Variants in MAST3 observed in about 807,000 individuals in gnomAD.
MAST3 encodes microtubule-associated serine/threonine-protein kinase 3.
A neutral mutation model predicts 127.0 loss-of-function variants in MAST3; 43 were observed. The observed-to-expected ratio is 0.34, with a 90% CI of 0.27 to 0.44. The LOEUF (loss-of-function observed/expected upper bound fraction) is 0.44. MAST3 is among the 20% of genes least tolerant of loss of function. The pLI, the probability that MAST3 is intolerant of heterozygous loss-of-function variation, is 1.00. For missense variants in MAST3, 1,390 were observed against 1,919.1 expected (o/e 0.72, Z 5.15); for synonymous variants, 785 against 809.2 (o/e 0.97, Z 0.51).
intron 3 of MAST3, 123 bp from the exon 4 acceptor site, chr19:18,121,562 G>C (rs1308197716): frequency 1.2e-6 from 1 of 818,882 alleles, no homozygotes; most frequent in African/African-American, 1.7e-5. Flanking sequence ...GGCAGAGTGG[G>C]AGTGGCCATG....
chr19:18,103,090 A>G (rs992622408), intron 1 of MAST3, among the ~76,000 whole-genome samples: 6 of 152,226 alleles, frequency 3.9e-5, no homozygotes, highest in Middle Eastern at 3.2e-3. Context: ...TCCCAGGGGA[A>G]CAGCAGGCAC....
At chr19:18,097,918 A>T in intron 1 of MAST3, 87 bp downstream of exon 1, 1 of 1,078,020 alleles carries the variant, frequency 9.3e-7, no homozygotes, top group Non-Finnish European at 1.2e-6. Context: ...CGGGGCCTTC[A>T]CGGGCTGTAG....
At position 18,144,453 on chromosome 19, in the gene MAST3, G is replaced by A; in HGVS notation, c.2585-13G>A. On this transcript the variant is annotated splice_polypyrimidine_tract_variant and intron_variant, in intron 22 of 27. Transcript: ENST00000687212. The surrounding 1 kb of genome is among the most constrained non-coding windows in gnomAD (Gnocchi z 4.0). ...GTTTGAGGGGCACCCAGCTGACCCT[G>A]CTGACCCTCTAGCCGACACAGCTGC... The A allele has an allele frequency of 1.9e-6, 3 of 1,550,834 alleles. No individual in the cohort carries two copies. The highest frequency in any genetic ancestry group is 2.6e-6 in the Non-Finnish European group (3 of 1,150,100).
At chr19:18,100,128 C>CTCTTTTTTTTTGTTTTTTTTTT (rs776661078) in intron 1 of MAST3, among the ~76,000 whole-genome samples, 1 of 121,720 alleles carries the variant, frequency 8.2e-6, no homozygotes, top group Non-Finnish European at 1.8e-5. Flanking sequence ...CTCTCTCTCT[C>CTCTTTTTTTTTGTTTTTTTTTT]TTTTTTTTTT....
At chr19:18,122,001 A>G in intron 5 of MAST3, 79 bp downstream of exon 5, 1 of 1,564,688 alleles carries the variant, frequency 6.4e-7, no homozygotes, top group Non-Finnish European at 8.7e-7. Context: ...CGGTGGCTAG[A>G]CCTGGCTCCT....
chr19:18,123,532 G>GGGGTT, intron 7 of MAST3, 48 bp from the exon 8 acceptor site: 2 of 1,486,610 alleles, frequency 1.3e-6, no homozygotes. Flanking sequence ...ATCCTCCCCT[G>GGGGTT]GGGTTGGTCT....
At chr19:18,123,150 G>C (rs1445932061) in intron 6 of MAST3, 67 bp from the exon 7 acceptor site, 1 of 1,568,200 alleles carries the variant, frequency 6.4e-7, no homozygotes, top group Non-Finnish European at 8.7e-7. Context: ...TTGAGGGGTG[G>C]TGCTGGGTTC....
chr19:18,099,314 T>TG (rs1432503904), intron 1 of MAST3, among the ~76,000 whole-genome samples: 3 of 13,876 alleles, frequency 2.2e-4, no homozygotes, highest in African/African-American at 3.2e-4. Flanking sequence ...GAGGCAAGAG[T>TG]GGGGGACTTG....
rs182520708 is a variant in MAST3, at chr19:18,102,722, C to T, written c.40-4865C>T. Among the ~76,000 whole-genome samples the T allele has an allele frequency of 2.5e-3, 385 of 152,180 alleles. 2 individuals are homozygous for T. The highest frequency in any genetic ancestry group is 0.01 in the Middle Eastern group (3 of 294). On this transcript the variant is annotated intron_variant, in intron 1 of 27. Transcript: ENST00000687212. ...ATCTTGAACTCCTGACCTTGTGATC[C>T]GCCCACCTTGGCCTCCCAGCGTGCT...
In MAST3 at chr19:18,116,925, A is replaced by T. The variant is rs926015625; in HGVS notation, c.162-4760A>T. On this transcript the variant is annotated intron_variant, in intron 3 of 27. Transcript: ENST00000687212. ...CGAAACTCTGTCTCAAAAAAAAAAA[A>T]TTTGTCTCTTTAGCTATGAAGCCTG... Among the ~76,000 whole-genome samples, 91 of 111,256 alleles carry T rather than the reference A, an allele frequency of 8.2e-4. 1 individual carries two copies. Among genetic ancestry groups the T allele is most frequent in the Non-Finnish European group, 1.5e-3 (78 of 51,788 alleles). 73.0% of individuals were successfully genotyped at this position (111,256 alleles called of 152,430 possible). A position where few individuals can be genotyped will look rare whatever the true frequency, so the allele number is the denominator to read the frequency against.
At chr19:18,134,547 C>T in intron 15 of MAST3, 32 bp from the exon 16 acceptor site, 1 of 1,584,908 alleles carries the variant, frequency 6.3e-7, no homozygotes, top group South Asian at 1.1e-5. Flanking sequence ...CCCAGCCCCC[C>T]AGCTCTGAGC....
intron 1 of MAST3, among the ~76,000 whole-genome samples, chr19:18,099,293 C>T (rs1030952385): frequency 7.7e-6 from 1 of 130,698 alleles, no homozygotes; most frequent in Non-Finnish European, 1.6e-5. Context: ...GAACTGGAGG[C>T]GCTGAGGCCA....
chr19:18,110,095 G>C lies in MAST3; in HGVS notation c.72-557G>C, dbSNP rs943314580. ...TTCCCGCTGCGCGACCCTCGCTGCC[G>C]GGCCGGGCCTGCGCGCAGGTGCGGA... is the stretch of plus-strand genomic sequence containing the variant. On this transcript the variant is annotated intron_variant, in intron 2 of 27. Coordinates refer to ENST00000687212, the MANE Select transcript of MAST3 (RefSeq NM_001393504.1). The surrounding 1 kb of genome is among the most constrained non-coding windows in gnomAD (Gnocchi z 4.3). The C allele has an allele frequency of 2.0e-6, 2 of 985,306 alleles. No homozygotes were observed. The highest frequency in any genetic ancestry group is 6.1e-5 in the Admixed American group (1 of 16,272). The allele number at this position is 985,306 out of a possible 1,614,324, so 61.0% of individuals were successfully genotyped here.
At chr19:18,103,364 CCT>C (rs1293830273) in intron 1 of MAST3, among the ~76,000 whole-genome samples, 5 of 152,158 alleles carry the variant, frequency 3.3e-5, no homozygotes, top group African/African-American at 1.2e-4. Flanking sequence ...ATGGTGAAAT[CCT>C]ATCTCTACTA....
At position 18,149,193 on chromosome 19, in the gene MAST3, ACCACTGCATCC is replaced by A; in HGVS notation, c.3516_3526del (p.Ala1173GlnfsTer87). 6.6e-7 allele frequency: 1 copy of A among 1,512,334 alleles called. No individual in the cohort carries two copies. The highest frequency in any genetic ancestry group is 8.8e-7 in the Non-Finnish European group (1 of 1,132,272). 93.7% of individuals were successfully genotyped at this position (1,512,334 alleles called of 1,614,324 possible). On this transcript the variant is annotated frameshift_variant, in exon 28 of 28. Coordinates refer to ENST00000687212, the MANE Select transcript of MAST3 (RefSeq NM_001393504.1). LOFTEE classifies it low-confidence loss of function (END_TRUNC). This position sits in a 1 kb window ranked among gnomAD's most constrained non-coding sequence, Gnocchi z 5.9. ...TGACCTACGCTTATCACCCACAGAT[ACCACTGCATCC>A]CCACCCAGCGCATCCCCGAGCTCCA...
chr19:18,138,380 G>A (rs551170509), intron 19 of MAST3, among the ~76,000 whole-genome samples: 58 of 150,950 alleles, frequency 3.8e-4, no homozygotes, highest in African/African-American at 1.3e-3. Context: ...GCAGTGGCGC[G>A]ATCTCGGCTT....
At position 18,149,574 on chromosome 19, in the gene MAST3, C is replaced by G. The variant is rs1283123606; in HGVS notation, c.3892C>G (p.Arg1298Gly). The change falls in exon 28 of 28, where the codon CGA becomes GGA. Residue 1298 changes from arginine to glycine, a missense_variant. Transcript: ENST00000687212. This position sits in a 1 kb window ranked among gnomAD's most constrained non-coding sequence, Gnocchi z 5.9. ...GCGGCGGCTGCACCTGTCCGAGCGC[C>G]GAGACTCCTTCAAGAAGCAGGAGGC... is the stretch of plus-strand genomic sequence containing the variant. ...VMRRLHLSERRDSFKKQEAVQ... is the reference protein window; with the variant it reads ...VMRRLHLSERGDSFKKQEAVQ... 2 of 1,602,268 alleles carry G rather than the reference C, an allele frequency of 1.2e-6. No individual in the cohort carries two copies. The highest frequency in any genetic ancestry group is 2.7e-5 in the African/African-American group (2 of 74,706).
intron 3 of MAST3, among the ~76,000 whole-genome samples, chr19:18,117,267 C>T (rs1287028229): frequency 6.6e-6 from 1 of 152,166 alleles, no homozygotes; most frequent in Non-Finnish European, 1.5e-5. Context: ...GGAACATATA[C>T]CAGGTGCCCT....
At chr19:18,107,223 A>C (rs188055763) in intron 1 of MAST3, among the ~76,000 whole-genome samples, 12 of 152,246 alleles carry the variant, frequency 7.9e-5, no homozygotes, top group Admixed American at 1.3e-4. Context: ...TTGGTCTCCC[A>C]AAGTACTGAG....
Sources: gnomAD v4.1 joint callset for allele counts (sites outside exome capture counted in the v4.1 genomes callset) on GRCh38, gnomAD v4.1.1 for gene constraint, Gnocchi (gnomAD v3.1) non-coding constraint, MANE v1.5 for transcripts, NCBI Gene and HGNC (gene_info 2026-07-23, HGNC 2026-07-21) for gene names.